The following NMU variants were observed in gnomAD, a reference collection of about 807,000 sequenced individuals.
The protein encoded by NMU is neuromedin-U.
Under a neutral mutation model 35.4 loss-of-function variants are expected in NMU, and 29 were observed. The ratio of observed to expected loss-of-function variants is 0.82; its 90% confidence interval spans 0.61 to 1.12. The LOEUF (loss-of-function observed/expected upper bound fraction) is 1.12. Among genes scored for constraint, NMU ranks in the 50% most tolerant of loss-of-function variants. The pLI is 0.00. For synonymous variants in NMU, 78 were observed against 81.3 expected (o/e 0.96, Z 0.22); for missense variants, 199 against 206.2 (o/e 0.97, Z 0.21).
intron 1 of NMU, among the ~76,000 whole-genome samples, chr4:55,635,267 C>G (rs973192929): frequency 4.6e-5 from 7 of 152,176 alleles, no homozygotes; most frequent in African/African-American, 1.7e-4. Context: ...TGATATCTCC[C>G]CTGGAACGTT....
intron 1 of NMU, among the ~76,000 whole-genome samples, chr4:55,635,279 G>A (rs551652586): frequency 3.0e-4 from 45 of 152,302 alleles, no homozygotes; most frequent in Non-Finnish European, 5.4e-4. Flanking sequence ...TGGAACGTTT[G>A]CGTTCTGCTC....
intron 7 of NMU, among the ~76,000 whole-genome samples, chr4:55,604,397 T>C (rs1733589350): frequency 6.6e-6 from 1 of 152,050 alleles, no homozygotes; most frequent in African/African-American, 2.4e-5. Flanking sequence ...ATCTCCACAG[T>C]GTAACACAGT....
At chr4:55,598,088 G>GTTTTT (rs1560510499) in intron 9 of NMU, among the ~76,000 whole-genome samples, 1 of 89,016 alleles carries the variant, frequency 1.1e-5, no homozygotes, top group African/African-American at 4.8e-5. Flanking sequence ...TTTTGGTTGT[G>GTTTTT]GTTTTTTTTT....
chr4:55,601,354 T>C (rs951461442), intron 7 of NMU, among the ~76,000 whole-genome samples: 5 of 152,156 alleles, frequency 3.3e-5, no homozygotes, highest in African/African-American at 4.8e-5. Context: ...CCAAGACCTT[T>C]TTCAACTATT....
chr4:55,635,442 ACT>A (rs1715856996), intron 1 of NMU, among the ~76,000 whole-genome samples: 1 of 152,006 alleles, frequency 6.6e-6, no homozygotes, highest in Non-Finnish European at 1.5e-5. Context: ...TGGCTTGCAC[ACT>A]TGCCTCTCCG....
At chr4:55,628,653 G>A (rs1468057013) in intron 2 of NMU, among the ~76,000 whole-genome samples, 4 of 151,324 alleles carry the variant, frequency 2.6e-5, no homozygotes, top group Non-Finnish European at 5.9e-5. Flanking sequence ...CACCATGCCC[G>A]GATAATTTTT....
At chr4:55,596,104 A>C (rs1181895951) in intron 9 of NMU, among the ~76,000 whole-genome samples, 1 of 152,212 alleles carries the variant, frequency 6.6e-6, no homozygotes, top group Non-Finnish European at 1.5e-5. Context: ...TCAAAGGCTT[A>C]CATTTACTCC....
chr4:55,600,213 A>G (rs1361403596), intron 8 of NMU, among the ~76,000 whole-genome samples: 1 of 151,678 alleles, frequency 6.6e-6, no homozygotes, highest in African/African-American at 2.4e-5. Context: ...CATAGAACAT[A>G]AGGAATAGTG....
chr4:55,603,162 A>AT lies in NMU; in HGVS notation c.435+2112dup, dbSNP rs546911756. 5.6e-3 allele frequency among the ~76,000 whole-genome samples: 842 copies of AT among 150,968 alleles called. 3 individuals are homozygous for AT. Among genetic ancestry groups the AT allele is most frequent in the African/African-American group, 0.019 (775 of 41,148 alleles). On this transcript the variant is annotated intron_variant, in intron 7 of 9. Transcript: ENST00000264218. The stretch of plus-strand genomic sequence containing the variant: ...ACAGGTGCCGCCACCATGCCAGCTG[A>AT]TTTTTTTTTGTTTTTGTTTTTGTAT...
intron 7 of NMU, among the ~76,000 whole-genome samples, chr4:55,602,663 T>C (rs560335067): frequency 1.3e-5 from 2 of 152,208 alleles, no homozygotes; most frequent in Non-Finnish European, 2.9e-5. Flanking sequence ...AAGTAAAAGT[T>C]AAATCAAAAA....
intron 6 of NMU, among the ~76,000 whole-genome samples, chr4:55,605,897 A>T (rs973481925): frequency 2.6e-5 from 4 of 152,206 alleles, no homozygotes; most frequent in African/African-American, 7.2e-5. Context: ...ACTAAGATAC[A>T]TTTTCCCAAA....
At chr4:55,604,739 C>T (rs1302404228) in intron 7 of NMU, among the ~76,000 whole-genome samples, 1 of 124,306 alleles carries the variant, frequency 8.0e-6, no homozygotes, top group Non-Finnish European at 1.6e-5. Context: ...CGCCATGTTG[C>T]CAAGGCTGGT....
chr4:55,603,926 A>AATATAT (rs766633520), intron 7 of NMU, among the ~76,000 whole-genome samples: 1 of 43,488 alleles, frequency 2.3e-5, no homozygotes, highest in Non-Finnish European at 3.9e-5. Context: ...AAAAAAAAAA[A>AATATAT]ATATATATAT....
At chr4:55,613,111 G>A (rs28485000) in intron 3 of NMU, among the ~76,000 whole-genome samples, 2,742 of 152,092 alleles carry the variant, frequency 0.018, 82 homozygotes, top group African/African-American at 0.063. Flanking sequence ...ACGGATGCAC[G>A]TGGGCAAAGA....
chr4:55,625,419 T>A (rs1240665677), intron 2 of NMU, among the ~76,000 whole-genome samples: 1 of 152,154 alleles, frequency 6.6e-6, no homozygotes, highest in Non-Finnish European at 1.5e-5. Flanking sequence ...TCACTCTTCA[T>A]CTTATTTATA....
chr4:55,600,407 T>C (rs938119129), intron 8 of NMU, 115 bp downstream of exon 8: 5 of 723,678 alleles, frequency 6.9e-6, no homozygotes, highest in African/African-American at 1.8e-5. Context: ...TAACACCTGA[T>C]GCCAAACATC....
At chr4:55,625,607 T>C (rs935172298) in intron 2 of NMU, among the ~76,000 whole-genome samples, 1 of 152,196 alleles carries the variant, frequency 6.6e-6, no homozygotes, top group African/African-American at 2.4e-5. Flanking sequence ...AGTTCATAGC[T>C]CACTATCATC....
chr4:55,616,259 G>T (rs1734105564), intron 3 of NMU, 79 bp downstream of exon 3: 2 of 965,292 alleles, frequency 2.1e-6, no homozygotes, highest in African/African-American at 1.6e-5. Context: ...AACACATAAA[G>T]GTTCCAAAGG....
intron 9 of NMU, among the ~76,000 whole-genome samples, chr4:55,598,290 A>C (rs6554295): frequency 0.97 from 146,996 of 152,004 alleles, 71,142 homozygotes; most frequent in East Asian, 1. Context: ...GAGATGGGGT[A>C]TCAAAATCCT....
Sources: allele counts gnomAD v4.1 joint callset (sites outside exome capture counted in the v4.1 genomes callset), GRCh38; gene constraint gnomAD v4.1.1; transcripts MANE v1.5; gene names NCBI Gene and HGNC (gene_info 2026-07-23, HGNC 2026-07-21).